LRP1B: variants seen among roughly 807,000 people sequenced by gnomAD.
LRP1B encodes LDL receptor related protein 1B.
In LRP1B, 217 loss-of-function variants were observed where a neutral mutation model predicts 556.6. That is an observed-to-expected ratio of 0.39 (90% CI 0.35 to 0.44). The LOEUF (loss-of-function observed/expected upper bound fraction) is 0.44, where lower values mean the gene tolerates loss of function less well. Among genes scored for constraint, LRP1B ranks in the 20% least tolerant of loss-of-function variants. LRP1B has a pLI of 1.00. For missense variants in LRP1B, 5,053 were observed against 5,620.8 expected, an observed-to-expected ratio of 0.90 and a Z score of 3.23; for synonymous variants, 2,047 against 1,865.8, an observed-to-expected ratio of 1.10 and a Z score of -2.50.
intron 7 of LRP1B, among the ~76,000 whole-genome samples, chr2:141,079,439 C>T (rs540631895): frequency 6.6e-6 from 1 of 152,292 alleles, no homozygotes; most frequent in Admixed American, 6.5e-5. Flanking sequence ...AGTTTTCCTA[C>T]ATATGTAAAT....
intron 49 of LRP1B, among the ~76,000 whole-genome samples, chr2:140,517,762 G>A (rs892791439): frequency 6.9e-6 from 1 of 145,834 alleles, no homozygotes; most frequent in Non-Finnish European, 1.5e-5. Context: ...CCAGGCTGGA[G>A]TGCAGTGGCA....
chr2:141,416,308 A>G (rs1183695947), intron 3 of LRP1B, among the ~76,000 whole-genome samples: 4 of 152,112 alleles, frequency 2.6e-5, no homozygotes, highest in Non-Finnish European at 5.9e-5. Flanking sequence ...CTAATTACTT[A>G]ATAATTGTTT....
intron 2 of LRP1B, among the ~76,000 whole-genome samples, chr2:141,672,667 TG>T (rs1206937013): frequency 6.6e-6 from 1 of 152,168 alleles, no homozygotes; most frequent in Non-Finnish European, 1.5e-5. Context: ...GCTTAACCTG[TG>T]GAATGACTAG....
chr2:141,293,586 C>A (rs1686061428), intron 3 of LRP1B, among the ~76,000 whole-genome samples: 1 of 150,486 alleles, frequency 6.6e-6, no homozygotes, highest in South Asian at 2.1e-4. Context: ...ATGGCAACCA[C>A]TTTTGTAAAT....
chr2:140,803,537 A>C (rs1690599521), intron 32 of LRP1B, among the ~76,000 whole-genome samples: 1 of 151,802 alleles, frequency 6.6e-6, no homozygotes, highest in South Asian at 2.1e-4. Context: ...TGATCTCGTG[A>C]TCCACTCGCC....
At chr2:141,761,972 A>G (rs1371992592) in intron 2 of LRP1B, among the ~76,000 whole-genome samples, 1 of 152,138 alleles carries the variant, frequency 6.6e-6, no homozygotes, top group Non-Finnish European at 1.5e-5. Flanking sequence ...TATCATCTGT[A>G]TTCTAAGGTC....
intron 3 of LRP1B, among the ~76,000 whole-genome samples, chr2:141,295,450 T>A (rs563887662): frequency 6.6e-6 from 1 of 152,264 alleles, no homozygotes; most frequent in African/African-American, 2.4e-5. Flanking sequence ...TTTTAATGAA[T>A]CTCAATTTAG....
intron 20 of LRP1B, among the ~76,000 whole-genome samples, chr2:140,931,842 GC>G (rs5834789): frequency 0.11 from 17,183 of 152,022 alleles, 1,431 homozygotes; most frequent in East Asian, 0.26. Context: ...GTATTAATCC[GC>G]TGAATTGGCT....
At chr2:141,332,963 T>A (rs1687711199) in intron 3 of LRP1B, among the ~76,000 whole-genome samples, 1 of 152,144 alleles carries the variant, frequency 6.6e-6, no homozygotes, top group Non-Finnish European at 1.5e-5. Flanking sequence ...AGCAGCATAA[T>A]TTGTTTTTCA....
At chr2:140,235,982 G>T (rs1680681554) in intron 89 of LRP1B, among the ~76,000 whole-genome samples, 1 of 150,894 alleles carries the variant, frequency 6.6e-6, no homozygotes, top group African/African-American at 2.4e-5. Flanking sequence ...TGTAAAATAT[G>T]TATCATGTCT....
rs1185304380 is a variant in LRP1B at position 140,285,416 on chromosome 2, T to G, written c.12968-10818A>C. ...ATATACACACAGAGAGAGAGATATT[T>G]CTACACTGGTGTGATAGCAAGAAGA... On this transcript the variant is annotated intron_variant, in intron 84 of 90. Coordinates refer to ENST00000389484, the MANE Select transcript of LRP1B (RefSeq NM_018557.3). 2.0e-5 allele frequency among the ~76,000 whole-genome samples: 3 copies of G among 151,274 alleles called. No homozygotes were observed. In the Admixed American group the frequency reaches 2.0e-4, roughly 10 times the overall value.
chr2:140,855,393 C>T (rs1056295479), intron 27 of LRP1B, among the ~76,000 whole-genome samples: 3 of 147,840 alleles, frequency 2.0e-5, no homozygotes, highest in Admixed American at 1.4e-4. Flanking sequence ...CCAGGCACGC[C>T]AATAATCCCA....
At chr2:141,715,174 A>C (rs1386170639) in intron 2 of LRP1B, among the ~76,000 whole-genome samples, 2 of 152,146 alleles carry the variant, frequency 1.3e-5, no homozygotes, top group African/African-American at 4.8e-5. Flanking sequence ...TGAACATTAA[A>C]GTTAGCAATT....
intron 41 of LRP1B, among the ~76,000 whole-genome samples, chr2:140,670,409 C>T (rs1341323438): frequency 2.6e-5 from 4 of 152,034 alleles, no homozygotes; most frequent in Admixed American, 6.6e-5. Flanking sequence ...AAGATAAAGG[C>T]GAGGAAAGTC....
At chr2:140,252,075 A>AAAAAAAAAAAAAAAAAAC in intron 86 of LRP1B, among the ~76,000 whole-genome samples, 1 of 135,052 alleles carries the variant, frequency 7.4e-6, no homozygotes, top group Non-Finnish European at 1.5e-5. Context: ...AAAAAAAAAA[A>AAAAAAAAAAAAAAAAAAC]AAAAAAAAAA....
intron 35 of LRP1B, among the ~76,000 whole-genome samples, chr2:140,737,636 C>T (rs1687990477): frequency 1.3e-5 from 2 of 152,172 alleles, no homozygotes; most frequent in Non-Finnish European, 2.9e-5. Flanking sequence ...AAATTATCCC[C>T]ACTACCACCA....
At chr2:141,816,468 C>T (rs1696551652) in intron 1 of LRP1B, among the ~76,000 whole-genome samples, 1 of 152,156 alleles carries the variant, frequency 6.6e-6, no homozygotes, top group African/African-American at 2.4e-5. Context: ...AGTTCTGCAG[C>T]TTTTGGGCTT....
intron 7 of LRP1B, among the ~76,000 whole-genome samples, chr2:141,171,533 C>G (rs1407276923): frequency 5.3e-5 from 8 of 151,444 alleles, no homozygotes; most frequent in Admixed American, 4.0e-4. Context: ...AAAATTCTCA[C>G]TTTGCATATT....
chr2:140,353,294 C>A (rs2105122954), intron 75 of LRP1B, among the ~76,000 whole-genome samples: 2 of 152,000 alleles, frequency 1.3e-5, no homozygotes, highest in Middle Eastern at 3.4e-3. Flanking sequence ...TTTATTAATC[C>A]ACTTAAAATA....
Sources: gnomAD v4.1 joint callset for allele counts (sites outside exome capture counted in the v4.1 genomes callset) on GRCh38, gnomAD v4.1.1 for gene constraint, MANE v1.5 for transcripts, NCBI Gene and HGNC (gene_info 2026-07-23, HGNC 2026-07-21) for gene names.